MACROD2: variants seen among roughly 807,000 people sequenced by gnomAD.
MACROD2 encodes ADP-ribose glycohydrolase MACROD2.
In MACROD2, 36 loss-of-function variants were observed where a neutral mutation model predicts 70.4. The observed-to-expected ratio is 0.51, with a 90% confidence interval of 0.39 to 0.68. The LOEUF (loss-of-function observed/expected upper bound fraction) is 0.68. Among genes scored for constraint, MACROD2 ranks in the 30% least tolerant of loss-of-function variants. MACROD2 has a pLI of 0.00. For missense variants in MACROD2, 496 were observed against 538.4 expected (o/e 0.92, Z 0.78); for synonymous variants, 172 against 178.8 (o/e 0.96, Z 0.30).
chr20:15,144,396 G>A (rs1394451542), intron 5 of MACROD2, among the ~76,000 whole-genome samples: 1 of 152,152 alleles, frequency 6.6e-6, no homozygotes, highest in Admixed American at 6.6e-5. Context: ...GAAATAAGAT[G>A]TGAATGATTT....
At chr20:15,889,759 C>T (rs970633330) in intron 10 of MACROD2, among the ~76,000 whole-genome samples, 1 of 152,158 alleles carries the variant, frequency 6.6e-6, no homozygotes, top group Admixed American at 6.5e-5. Context: ...AAATTATCAA[C>T]CACCTATGGA....
At chr20:14,171,428 A>G (rs1437916054) in intron 3 of MACROD2, among the ~76,000 whole-genome samples, 2 of 152,012 alleles carry the variant, frequency 1.3e-5, no homozygotes, top group Non-Finnish European at 2.9e-5. Flanking sequence ...TTGAGGTATG[A>G]CCTTAGATTG....
At chr20:14,362,127 G>A (rs1488524401) in intron 3 of MACROD2, among the ~76,000 whole-genome samples, 1 of 152,138 alleles carries the variant, frequency 6.6e-6, no homozygotes, top group Non-Finnish European at 1.5e-5. Context: ...TGTTACTCAG[G>A]AGTATGAGTT....
chr20:14,975,412 C>A (rs1466377741), intron 5 of MACROD2, among the ~76,000 whole-genome samples: 1 of 152,004 alleles, frequency 6.6e-6, no homozygotes, highest in African/African-American at 2.4e-5. Context: ...CGGCAGCAGG[C>A]TGGGGCGGGC....
intron 4 of MACROD2, among the ~76,000 whole-genome samples, chr20:14,655,493 C>T (rs529923406): frequency 2.0e-4 from 31 of 152,024 alleles, no homozygotes; most frequent in African/African-American, 7.2e-4. Flanking sequence ...CGTGTTTGGT[C>T]GGGTCTTGGT....
intron 10 of MACROD2, among the ~76,000 whole-genome samples, chr20:15,891,374 T>C (rs78155335): frequency 0.032 from 4,800 of 152,256 alleles, 117 homozygotes; most frequent in Middle Eastern, 0.058. Context: ...TGACATGCTG[T>C]GCTAGGCCTG....
intron 3 of MACROD2, among the ~76,000 whole-genome samples, chr20:14,420,302 T>C (rs949209444): frequency 6.6e-6 from 1 of 152,114 alleles, no homozygotes; most frequent in Non-Finnish European, 1.5e-5. Flanking sequence ...CTGTTTTTCA[T>C]AGCACCTGTA....
chr20:14,742,368 A>G (rs1259587104), intron 5 of MACROD2, among the ~76,000 whole-genome samples: 1 of 152,138 alleles, frequency 6.6e-6, no homozygotes, highest in Non-Finnish European at 1.5e-5. Context: ...ATATGGAGTC[A>G]TGGTCACATA....
chr20:15,103,478 C>T (rs2075888759), intron 5 of MACROD2, among the ~76,000 whole-genome samples: 1 of 152,034 alleles, frequency 6.6e-6, no homozygotes, highest in South Asian at 2.1e-4. Flanking sequence ...GTTGATGTAT[C>T]CAAGTCACAG....
intron 5 of MACROD2, among the ~76,000 whole-genome samples, chr20:14,891,075 T>G (rs1353489650): frequency 6.7e-6 from 1 of 149,216 alleles, no homozygotes; most frequent in Non-Finnish European, 1.5e-5. Flanking sequence ...CCCTTCCTTT[T>G]CTCCTTCCTT....
chr20:14,869,469 G>C (rs555135263), intron 5 of MACROD2, among the ~76,000 whole-genome samples: 19 of 152,258 alleles, frequency 1.2e-4, no homozygotes, highest in African/African-American at 4.6e-4. Context: ...AAAATCATTA[G>C]TGATGTCCAG....
intron 5 of MACROD2, among the ~76,000 whole-genome samples, chr20:14,801,233 G>A (rs2077927807): frequency 1.3e-5 from 2 of 152,266 alleles, no homozygotes; most frequent in East Asian, 1.9e-4. Flanking sequence ...AGGCTGATAA[G>A]CCGTTTCCCC....
At chr20:15,234,392 G>C (rs1384832577) in intron 6 of MACROD2, among the ~76,000 whole-genome samples, 1 of 151,754 alleles carries the variant, frequency 6.6e-6, no homozygotes, top group Non-Finnish European at 1.5e-5. Context: ...AAAATTTAAG[G>C]CACCATGAAG....
intron 6 of MACROD2, among the ~76,000 whole-genome samples, chr20:15,429,552 G>C (rs1477329313): frequency 1.3e-5 from 2 of 151,990 alleles, no homozygotes; most frequent in East Asian, 3.9e-4. Flanking sequence ...ATCATGCAAA[G>C]GGAATAAACA....
chr20:15,075,106 G>A (rs1248277748), intron 5 of MACROD2, among the ~76,000 whole-genome samples: 1 of 152,102 alleles, frequency 6.6e-6, no homozygotes, highest in Non-Finnish European at 1.5e-5. Flanking sequence ...AAGATGGGTA[G>A]GTAATGCTAA....
chr20:14,902,661 C>T (rs562436271), intron 5 of MACROD2, among the ~76,000 whole-genome samples: 7 of 152,056 alleles, frequency 4.6e-5, no homozygotes, highest in East Asian at 1.9e-4. Flanking sequence ...GTGGTCAGGA[C>T]GTGCTGAGAA....
chr20:14,803,775 C>T (rs2122149070), intron 5 of MACROD2, among the ~76,000 whole-genome samples: 1 of 152,182 alleles, frequency 6.6e-6, no homozygotes, highest in East Asian at 1.9e-4. Context: ...GCCACGGCAC[C>T]TGGCCTGTTC....
chr20:14,527,209 C>G (rs2085243865), intron 4 of MACROD2, among the ~76,000 whole-genome samples: 1 of 152,200 alleles, frequency 6.6e-6, no homozygotes. Context: ...CCTGTGTGTT[C>G]TCCGCTGATG....
chr20:15,279,977 A>G (rs1342977058), intron 6 of MACROD2, among the ~76,000 whole-genome samples: 5 of 152,224 alleles, frequency 3.3e-5, no homozygotes, highest in African/African-American at 1.2e-4. Context: ...GGTGCTGCAC[A>G]GTGCCTAGCA....
Sources: gnomAD v4.1 joint callset for allele counts (sites outside exome capture counted in the v4.1 genomes callset) on GRCh38, gnomAD v4.1.1 for gene constraint, MANE v1.5 for transcripts, NCBI Gene and HGNC (gene_info 2026-07-23, HGNC 2026-07-21) for gene names.